The following ZNF544 variants were observed in gnomAD, a reference collection of about 807,000 sequenced individuals.
The protein encoded by ZNF544 is zinc finger protein 544.
A neutral mutation model predicts 13.5 loss-of-function variants in ZNF544; 10 were observed. The ratio of observed to expected loss-of-function variants is 0.74; its 90% CI spans 0.46 to 1.25. ZNF544 has a LOEUF of 1.25. ZNF544 is among the 50% of genes most tolerant of loss of function. ZNF544 has a pLI of 0.00. For synonymous variants in ZNF544, 323 were observed against 300.5 expected, an observed-to-expected ratio of 1.07 and a Z score of -0.77; for missense variants, 896 against 845.6, an observed-to-expected ratio of 1.06 and a Z score of -0.74.
chr19:58,252,300 C>T (rs1202660694), intron 6 of ZNF544, among the ~76,000 whole-genome samples: 1 of 152,168 alleles, frequency 6.6e-6, no homozygotes, highest in Non-Finnish European at 1.5e-5. Flanking sequence ...TACATGAATC[C>T]TTTTCACGAC....
At chr19:58,240,430 T>C (rs899763435) in intron 3 of ZNF544, among the ~76,000 whole-genome samples, 50 of 152,010 alleles carry the variant, frequency 3.3e-4, no homozygotes, top group South Asian at 2.1e-4. Flanking sequence ...TCTAATTTTT[T>C]GTATTTTTAG....
rs1472098077 is a variant in ZNF544 at position 58,261,652 on chromosome 19, C to G, written c.1046C>G (p.Thr349Ser). Residue 349 changes from threonine to serine, a missense_variant, in exon 7 of 7, where the codon ACT becomes AGT. By Grantham distance (58) the Thr-to-Ser change is moderately conservative (BLOSUM62 1). Coordinates refer to ENST00000687789, the MANE Select transcript of ZNF544 (RefSeq NM_014480.4). ...SSFSDCNIIQTTEKPSVCNQC... is the reference protein window; with the variant it reads ...SSFSDCNIIQSTEKPSVCNQC... ...TTTTCTGACTGTAACATCATTCAGA[C>G]TACAGAGAAGCCATCTGTGTGTAAT... The G allele has an allele frequency of 6.2e-6, 10 of 1,614,108 alleles. No individual in the cohort carries two copies. The highest frequency in any genetic ancestry group is 8.5e-6 in the Non-Finnish European group (10 of 1,180,034).
At chr19:58,276,480 ATTTT>A in intron 6 of ZNF544, 1 of 1,127,122 alleles carries the variant, frequency 8.9e-7, no homozygotes, top group South Asian at 4.5e-5. Context: ...ATTTTATTTT[ATTTT>A]TGAGATGGAG....
downstream of ZNF544, among the ~76,000 whole-genome samples, chr19:58,267,940 C>T (rs2050139282): frequency 6.7e-6 from 1 of 150,314 alleles, no homozygotes; most frequent in Non-Finnish European, 1.5e-5. Flanking sequence ...GAGATCACGC[C>T]ACTGCACTCC....
intron 4 of ZNF544, among the ~76,000 whole-genome samples, chr19:58,244,862 C>T (rs990379169): frequency 1.3e-5 from 2 of 152,184 alleles, no homozygotes; most frequent in African/African-American, 4.8e-5. Flanking sequence ...CAGGCGTGAG[C>T]CACCATGCGC....
downstream of ZNF544, chr19:58,266,704 C>CG (rs1212380851): frequency 1.3e-5 from 2 of 151,560 alleles, no homozygotes; most frequent in Non-Finnish European, 2.9e-5. Flanking sequence ...AGACTCTTCC[C>CG]CATTTTTTTT....
intron 6 of ZNF544, among the ~76,000 whole-genome samples, chr19:58,248,972 CTGAAG>C (rs1367796988): frequency 6.6e-6 from 1 of 152,170 alleles, no homozygotes; most frequent in Non-Finnish European, 1.5e-5. Context: ...CCAACAGAGG[CTGAAG>C]TGAAGTTACA....
downstream of ZNF544, among the ~76,000 whole-genome samples, chr19:58,266,364 A>T (rs1332261668): frequency 6.6e-6 from 1 of 151,344 alleles, no homozygotes; most frequent in Non-Finnish European, 1.5e-5. Flanking sequence ...AAATACAAAA[A>T]ATCAGCCAGG....
intron 3 of ZNF544, chr19:58,231,790 GA>G (rs2041281883): frequency 1.3e-5 from 2 of 152,120 alleles, no homozygotes; most frequent in Admixed American, 1.3e-4. Context: ...TTTCATTAAA[GA>G]AGCTTAAATA....
At chr19:58,238,991 A>G (rs1345748135) in intron 3 of ZNF544, among the ~76,000 whole-genome samples, 1 of 152,082 alleles carries the variant, frequency 6.6e-6, no homozygotes, top group Non-Finnish European at 1.5e-5. Context: ...AGGGGAGGCA[A>G]GAGTGTTCAG....
At position 58,262,988 on chromosome 19, in the gene ZNF544, A is replaced by C; in HGVS notation, c.*234A>C. On this transcript the variant is annotated 3_prime_UTR_variant, in exon 7 of 7. Coordinates refer to ENST00000687789, the MANE Select transcript of ZNF544 (RefSeq NM_014480.4). ...ACACGAGAGGACACACACTGGAGGC[A>C]AACCCTATGAATGTGACCATTGCGA... The C allele has an allele frequency of 3.7e-6, 5 of 1,336,320 alleles. No homozygotes were observed. Among genetic ancestry groups the C allele is most frequent in the Non-Finnish European group, 4.8e-6 (5 of 1,043,614 alleles). 82.8% of individuals were successfully genotyped at this position (1,336,320 alleles called of 1,614,324 possible).
chr19:58,266,776 G>A (rs1199156944), downstream of ZNF544: 3 of 152,132 alleles, frequency 2.0e-5, no homozygotes, highest in East Asian at 5.8e-4. Context: ...AAGGAGTCAT[G>A]TGCTAAAAGA....
intron 4 of ZNF544, among the ~76,000 whole-genome samples, chr19:58,244,511 C>T (rs1012379837): frequency 5.9e-5 from 9 of 152,050 alleles, no homozygotes; most frequent in African/African-American, 1.2e-4. Flanking sequence ...AGCCGTTGTC[C>T]GACTGTGTCT....
At chr19:58,236,245 A>G (rs916644740) in intron 3 of ZNF544, among the ~76,000 whole-genome samples, 4 of 151,704 alleles carry the variant, frequency 2.6e-5, no homozygotes, top group African/African-American at 7.3e-5. Flanking sequence ...GACTCACGCA[A>G]TGCTAGCACT....
chr19:58,246,541 G>A (rs776249945), intron 5 of ZNF544, 114 bp downstream of exon 5: 22 of 1,524,564 alleles, frequency 1.4e-5, no homozygotes, highest in Non-Finnish European at 2.0e-5. Context: ...TCCCTTTCAG[G>A]TGCAGTTCCC....
Position 58,261,739 on chromosome 19 carries a change from A to G in ZNF544, c.1133A>G (p.Lys378Arg), listed in dbSNP as rs767959399. 1 of 1,614,230 alleles carries G rather than the reference A, an allele frequency of 6.2e-7. No homozygotes were observed. Among genetic ancestry groups the G allele is most frequent in the Admixed American group, 1.7e-5 (1 of 60,016 alleles). ...CACCAGAGAACACACACTGGAGAAA[A>G]GCCCTTCGAATGTACTCAGTGTGGG... ...LIHQRTHTGE[K>R]PFECTQCGKS... Residue 378 changes from lysine (K) to arginine (R), a missense_variant, in exon 7 of 7, where the codon AAG becomes AGG. Transcript: ENST00000687789.
At chr19:58,236,000 C>T (rs2042296523) in intron 3 of ZNF544, among the ~76,000 whole-genome samples, 1 of 151,318 alleles carries the variant, frequency 6.6e-6, no homozygotes, top group Non-Finnish European at 1.5e-5. Flanking sequence ...GTGGAGGTTG[C>T]AGTGAGCCGA....
chr19:58,248,601 A>G (rs751633059), intron 6 of ZNF544, among the ~76,000 whole-genome samples: 3 of 152,068 alleles, frequency 2.0e-5, no homozygotes, highest in Non-Finnish European at 2.9e-5. Context: ...ATCCACCATT[A>G]TAGTATCAGA....
chr19:58,245,579 C>T (rs569431336), intron 4 of ZNF544, among the ~76,000 whole-genome samples: 29 of 152,296 alleles, frequency 1.9e-4, no homozygotes, highest in Non-Finnish European at 1.0e-4. Context: ...GGATTACAGG[C>T]GTGAGCCACC....
Sources: gnomAD v4.1 joint callset for allele counts (sites outside exome capture counted in the v4.1 genomes callset) on GRCh38, gnomAD v4.1.1 for gene constraint, MANE v1.5 for transcripts, NCBI Gene and HGNC (gene_info 2026-07-23, HGNC 2026-07-21) for gene names.